Variants in PSD2 observed in about 807,000 individuals in gnomAD.
The protein encoded by PSD2 is pleckstrin and Sec7 domain containing 2, also known as PH and SEC7 domain-containing protein 2.
A neutral mutation model predicts 69.8 loss-of-function variants in PSD2; 38 were observed. That is an observed-to-expected ratio of 0.54 (90% CI 0.42 to 0.71). The LOEUF is 0.71. Ranked by LOEUF, PSD2 falls within the 30% of genes least tolerant of loss-of-function variation. The pLI, the probability that PSD2 is intolerant of heterozygous loss-of-function variation, is 0.00. For missense variants in PSD2, 943 were observed against 1,014.5 expected (o/e 0.93, Z 0.96); for synonymous variants, 412 against 423.0 (o/e 0.97, Z 0.32).
intron 7 of PSD2, among the ~76,000 whole-genome samples, chr5:139,824,957 T>C (rs1053646762): frequency 6.6e-6 from 1 of 152,152 alleles, no homozygotes; most frequent in African/African-American, 2.4e-5. Context: ...AGTAAGGGGC[T>C]ATCGGGCTAT....
At chr5:139,835,816 G>A in intron 9 of PSD2, 50 bp downstream of exon 9, 2 of 1,564,882 alleles carry the variant, frequency 1.3e-6, no homozygotes, top group South Asian at 1.1e-5. Flanking sequence ...TCCCTGGGTG[G>A]GGGAGTGTGG....
At chr5:139,840,851 C>T (rs1244836494) in intron 14 of PSD2, among the ~76,000 whole-genome samples, 1 of 152,150 alleles carries the variant, frequency 6.6e-6, no homozygotes, top group Non-Finnish European at 1.5e-5. Context: ...CACGCCCGGC[C>T]TCATTACTAT....
chr5:139,783,260 C>A, the PSD2 span, among the ~76,000 whole-genome samples: 1 of 151,908 alleles, frequency 6.6e-6, no homozygotes, highest in East Asian at 1.9e-4. Flanking sequence ...CATAGTAAGA[C>A]CCTCGTCTCT....
At chr5:139,748,910 G>A in the PSD2 span, among the ~76,000 whole-genome samples, 29 of 152,174 alleles carry the variant, frequency 1.9e-4, no homozygotes, top group South Asian at 1.0e-3. Context: ...GGTATGTTGG[G>A]GGGGGTGAAT....
the PSD2 span, among the ~76,000 whole-genome samples, chr5:139,754,119 A>T: frequency 1.2e-3 from 175 of 152,130 alleles, 1 homozygote; most frequent in African/African-American, 3.9e-3. Flanking sequence ...TACAGGCATG[A>T]GCCACTGCGC....
chr5:139,830,561 CCTTCCTTTCTTT>C (rs1648317632), intron 7 of PSD2, among the ~76,000 whole-genome samples: 2 of 129,656 alleles, frequency 1.5e-5, no homozygotes, highest in South Asian at 2.4e-4. Flanking sequence ...TTCCTTCCTT[CCTTCCTTTCTTT>C]CTTTCTTTCT....
intron 2 of PSD2, among the ~76,000 whole-genome samples, chr5:139,810,030 C>T (rs898886723): frequency 3.3e-5 from 5 of 151,518 alleles, no homozygotes; most frequent in African/African-American, 9.7e-5. Flanking sequence ...GTTGTGCCAT[C>T]GTGAGCTGCT....
rs572880801 is a variant in PSD2, at chr5:139,800,661, C to T, written c.-51+4686C>T. On this transcript the variant is annotated intron_variant, in intron 1 of 14. Coordinates refer to ENST00000274710, the MANE Select transcript of PSD2 (RefSeq NM_032289.4). ...TTTGAGAAAATATAAGCAGTCAGAG[C>T]GTCCTGAGGCTCCCAGTGCCACACT... is the stretch of plus-strand genomic sequence containing the variant. Among the ~76,000 whole-genome samples the T allele has an allele frequency of 6.6e-5, 10 of 152,342 alleles. No homozygotes were observed. In the South Asian group the frequency reaches 2.1e-3, roughly 32 times the overall value.
chr5:139,843,383 G>A lies in PSD2; in HGVS notation c.*909G>A, dbSNP rs542068107. 2.6e-5 allele frequency: 4 copies of A among 152,344 alleles called. No individual in the cohort carries two copies. Among genetic ancestry groups the A allele is most frequent in the South Asian group, 4.1e-4 (2 of 4,826 alleles). The allele number at this position is 152,344 out of a possible 1,614,324, so 9.4% of individuals were successfully genotyped here. On this transcript the variant is annotated 3_prime_UTR_variant, in exon 15 of 15. Transcript: ENST00000274710. Reference sequence around the variant, plus strand: ...ATGATACTTTTGGAAAAAATAGAGCGTGTATGCACCGCCCCGTTTGTCCCA... The same window carrying A: ...ATGATACTTTTGGAAAAAATAGAGCATGTATGCACCGCCCCGTTTGTCCCA...
the PSD2 span, among the ~76,000 whole-genome samples, chr5:139,750,350 A>C: frequency 1.3e-5 from 2 of 152,066 alleles, no homozygotes; most frequent in East Asian, 3.9e-4. Flanking sequence ...AAACAAAAAA[A>C]AACCCAAAAT....
At chr5:139,759,162 C>T in the PSD2 span, among the ~76,000 whole-genome samples, 29 of 152,158 alleles carry the variant, frequency 1.9e-4, no homozygotes, top group Non-Finnish European at 3.8e-4. Flanking sequence ...CCCCATTCTC[C>T]GTCTCTCCTG....
intron 7 of PSD2, among the ~76,000 whole-genome samples, chr5:139,830,608 C>CTTTCTCTT (rs1469905987): frequency 9.8e-6 from 1 of 101,948 alleles, no homozygotes; most frequent in African/African-American, 4.1e-5. Context: ...TTCTTTCTTT[C>CTTTCTCTT]TCTTTCTTTC....
chr5:139,773,657 T>C, the PSD2 span, among the ~76,000 whole-genome samples: 1 of 152,218 alleles, frequency 6.6e-6, no homozygotes, highest in Non-Finnish European at 1.5e-5. Flanking sequence ...GTCTATGTCA[T>C]AATTCTTTCC....
the PSD2 span, among the ~76,000 whole-genome samples, chr5:139,761,240 C>T: frequency 1.3e-5 from 2 of 152,188 alleles, no homozygotes; most frequent in African/African-American, 2.4e-5. Context: ...GCCCATTTTA[C>T]AGATGGGAAA....
chr5:139,743,663 T>C, the PSD2 span: 2 of 152,434 alleles, frequency 1.3e-5, no homozygotes, highest in Admixed American at 6.6e-5. Flanking sequence ...AGGTGAAAGA[T>C]GATTGACAGG....
the PSD2 span, among the ~76,000 whole-genome samples, chr5:139,771,814 T>G: frequency 2.0e-5 from 3 of 152,148 alleles, no homozygotes; most frequent in Non-Finnish European, 4.4e-5. Context: ...GTAAGTTCTC[T>G]CAGACTTCAA....
At position 139,813,686 on chromosome 5, in the gene PSD2, A is replaced by G. The variant is rs1330838789; in HGVS notation, c.749A>G (p.Asp250Gly). 3 of 1,613,668 alleles carry G rather than the reference A, an allele frequency of 1.9e-6. No individual in the cohort carries two copies. Among genetic ancestry groups the G allele is most frequent in the Non-Finnish European group, 2.5e-6 (3 of 1,179,944 alleles). Residue 250 changes from aspartate (D) to glycine (G), a missense_variant, in exon 3 of 15, where the codon GAT becomes GGT. This residue lies in a region of PSD2 where 466 missense variants were observed against 445.0 expected (regional missense o/e 1.05). Coordinates refer to ENST00000274710, the MANE Select transcript of PSD2 (RefSeq NM_032289.4). The part of the protein sequence containing the change: ...LMAMPNGFHE[D>G]GPQGPGGDED... ...GCCATGCCCAATGGATTCCATGAAGATGGCCCTCAGGGCCCAGGGGGGGAT... is the reference window on the plus strand; with the variant it reads ...GCCATGCCCAATGGATTCCATGAAGGTGGCCCTCAGGGCCCAGGGGGGGAT...
intron 13 of PSD2, 69 bp downstream of exon 13, chr5:139,838,841 GC>G: frequency 6.5e-7 from 1 of 1,529,876 alleles, no homozygotes; most frequent in Non-Finnish European, 8.9e-7. Flanking sequence ...CCATCCAGCA[GC>G]CCCACCCCAG....
At chr5:139,785,403 T>C in the PSD2 span, among the ~76,000 whole-genome samples, 2 of 152,184 alleles carry the variant, frequency 1.3e-5, no homozygotes, top group African/African-American at 4.8e-5. Context: ...TTTGTATTTT[T>C]AATAGAGATG....
Sources: allele counts gnomAD v4.1 joint callset (sites outside exome capture counted in the v4.1 genomes callset), GRCh38; gene constraint gnomAD v4.1.1; regional missense constraint gnomAD v4.1.1; transcripts MANE v1.5; gene names NCBI Gene and HGNC (gene_info 2026-07-23, HGNC 2026-07-21).